Variants in TMEM106A observed in about 807,000 individuals in gnomAD.
TMEM106A encodes transmembrane protein 106A.
TMEM106A carries 22 observed loss-of-function variants against 25.1 expected under a neutral mutation model. The observed-to-expected ratio is 0.88, with a 90% CI of 0.63 to 1.25. The LOEUF is 1.25. TMEM106A is among the 50% of genes most tolerant of loss of function. The pLI, the probability that TMEM106A is intolerant of heterozygous loss-of-function variation, is 0.00. For missense variants in TMEM106A, 275 were observed against 318.1 expected (o/e 0.86, Z 1.03); for synonymous variants, 104 against 129.9 (o/e 0.80, Z 1.35).
Position 43,218,110 on chromosome 17 carries a change from C to T in TMEM106A, c.*309C>T, listed in dbSNP as rs541044375. 3.6e-6 allele frequency: 1 copy of T among 275,980 alleles called. No individual in the cohort carries two copies. Among genetic ancestry groups the T allele is most frequent in the East Asian group, 9.5e-5 (1 of 10,562 alleles). The allele number at this position is 275,980 out of a possible 1,614,324, so 17.1% of individuals were successfully genotyped here. On this transcript the variant is annotated 3_prime_UTR_variant, in exon 9 of 9. Coordinates refer to ENST00000612339, the MANE Select transcript of TMEM106A (RefSeq NM_145041.4). ...GTTGGTCCAGGTTGGTTTTGAACTCCTGGGCTCAAGCGATCCTCCCTTCTT... is the reference window on the plus strand; with the variant it reads ...GTTGGTCCAGGTTGGTTTTGAACTCTTGGGCTCAAGCGATCCTCCCTTCTT...
rs1325592546 is a variant in TMEM106A at position 43,217,331 on chromosome 17, T to C, written c.668+19T>C. 17 of 1,613,762 alleles carry C rather than the reference T, an allele frequency of 1.1e-5. No individual in the cohort carries two copies. The highest frequency in any genetic ancestry group is 1.7e-4 in the Middle Eastern group (1 of 6,056). ...ACATCCAGTAAGTAGAGCTTGGAGCTCTGGTATCCCTGCTCTCACTTCTGA... is the reference window on the plus strand; with the variant it reads ...ACATCCAGTAAGTAGAGCTTGGAGCCCTGGTATCCCTGCTCTCACTTCTGA... On this transcript the variant is annotated intron_variant, in intron 8 of 8. Transcript: ENST00000612339.
chr17:43,216,329 G>A, intron 5 of TMEM106A, 120 bp from the exon 6 acceptor site: 2 of 1,363,826 alleles, frequency 1.5e-6, no homozygotes. Context: ...TTCATCCTCT[G>A]CACCTGAAGC....
At chr17:43,214,965 AAAAAAAAAAC>A (rs2057471053) in intron 4 of TMEM106A, among the ~76,000 whole-genome samples, 1 of 149,942 alleles carries the variant, frequency 6.7e-6, no homozygotes, top group East Asian at 2.0e-4. Flanking sequence ...ATCTGAAAAA[AAAAAAAAAAC>A]AAAAAAAAAC....
chr17:43,217,324 T>C lies in TMEM106A; in HGVS notation c.668+12T>C. 2 of 1,614,062 alleles carry C rather than the reference T, an allele frequency of 1.2e-6. No individual in the cohort carries two copies. The highest frequency in any genetic ancestry group is 1.7e-6 in the Non-Finnish European group (2 of 1,179,880). ...CTTTTGCACATCCAGTAAGTAGAGC[T>C]TGGAGCTCTGGTATCCCTGCTCTCA... On this transcript the variant is annotated intron_variant, in intron 8 of 8. Coordinates refer to ENST00000612339, the MANE Select transcript of TMEM106A (RefSeq NM_145041.4).
At chr17:43,214,479 G>A (rs1281681120) in intron 4 of TMEM106A, among the ~76,000 whole-genome samples, 1 of 152,168 alleles carries the variant, frequency 6.6e-6, no homozygotes, top group Non-Finnish European at 1.5e-5. Context: ...TTTTCTTCTA[G>A]TAGAGATGAA....
chr17:43,215,453 G>A (rs1472976349), intron 4 of TMEM106A, among the ~76,000 whole-genome samples: 3 of 152,120 alleles, frequency 2.0e-5, no homozygotes, highest in African/African-American at 7.2e-5. Context: ...CCTGTGATTA[G>A]TATTTTTTCA....
chr17:43,213,810 C>T lies in TMEM106A; in HGVS notation c.212-18C>T. 1 of 1,613,934 alleles carries T rather than the reference C, an allele frequency of 6.2e-7. No individual in the cohort carries two copies. Among genetic ancestry groups the T allele is most frequent in the East Asian group, 2.2e-5 (1 of 44,886 alleles). ...ACAGTTGCATCTTGGCCCTCCCTCT[C>T]ACCTTCTCTCTCTCTAGAGCTGGAG... On this transcript the variant is annotated intron_variant, in intron 3 of 8. Coordinates refer to ENST00000612339, the MANE Select transcript of TMEM106A (RefSeq NM_145041.4).
At chr17:43,215,719 C>T in intron 4 of TMEM106A, 69 bp from the exon 5 acceptor site, 1 of 1,551,710 alleles carries the variant, frequency 6.4e-7, no homozygotes, top group Non-Finnish European at 8.8e-7. Flanking sequence ...AGTGTCTGAA[C>T]CCCCTCTCCG....
Position 43,217,869 on chromosome 17 carries a change from A to G in TMEM106A, c.*68A>G. The G allele has an allele frequency of 6.2e-7, 1 of 1,604,276 alleles. No individual in the cohort carries two copies. The highest frequency in any genetic ancestry group is 8.5e-7 in the Non-Finnish European group (1 of 1,174,826). Reference sequence around the variant, plus strand: ...CTATATCTCCCACAACTCCCTGGTGACTAAGGAAGGACTACAGAGGCTTTG... The same window carrying G: ...CTATATCTCCCACAACTCCCTGGTGGCTAAGGAAGGACTACAGAGGCTTTG... On this transcript the variant is annotated 3_prime_UTR_variant, in exon 9 of 9. Transcript: ENST00000612339.
chr17:43,216,664 T>C, intron 6 of TMEM106A, 33 bp from the exon 7 acceptor site: 1 of 1,614,102 alleles, frequency 6.2e-7, no homozygotes, highest in Non-Finnish European at 8.5e-7. Flanking sequence ...GCAGCTGGAG[T>C]TGGGGCTAAC....
rs1197481598 is a variant in TMEM106A at position 43,216,680 on chromosome 17, G to A, written c.571-17G>A. 6.2e-7 allele frequency: 1 copy of A among 1,614,072 alleles called. No individual in the cohort carries two copies. Among genetic ancestry groups the A allele is most frequent in the African/African-American group, 1.3e-5 (1 of 74,936 alleles). On this transcript the variant is annotated splice_polypyrimidine_tract_variant and intron_variant, in intron 6 of 8. Transcript: ENST00000612339. ...CAGCTGGAGTTGGGGCTAACCCTGT[G>A]CCCATTTGGTTGACAGATGTTTTAC...
Position 43,215,772 on chromosome 17 carries a change from T to C in TMEM106A, c.276-16T>C. On this transcript the variant is annotated splice_polypyrimidine_tract_variant and intron_variant, in intron 4 of 8. Coordinates refer to ENST00000612339, the MANE Select transcript of TMEM106A (RefSeq NM_145041.4). ...GACTTTTCCATTCCTCCATCCTGGG[T>C]CCTGCTTTCCCACAGGAAGCTCTTT... 1 of 1,613,076 alleles carries C rather than the reference T, an allele frequency of 6.2e-7. No individual in the cohort carries two copies. Among genetic ancestry groups the C allele is most frequent in the East Asian group, 2.2e-5 (1 of 44,874 alleles).
rs1035979045 is a variant in TMEM106A, at chr17:43,214,035, G to A, written c.275+144G>A. Reference sequence around the variant, plus strand: ...AGCCTCAGAGGTACCAGCTCCTTACGTCCAAGGATTTTTTCCTGATTTAGA... The same window carrying A: ...AGCCTCAGAGGTACCAGCTCCTTACATCCAAGGATTTTTTCCTGATTTAGA... On this transcript the variant is annotated intron_variant, in intron 4 of 8. Transcript: ENST00000612339. 15 of 809,016 alleles carry A rather than the reference G, an allele frequency of 1.9e-5. 1 individual carries two copies. Among genetic ancestry groups the A allele is most frequent in the African/African-American group, 1.4e-4 (8 of 57,472 alleles). The allele number at this position is 809,016 out of a possible 1,614,324, so 50.1% of individuals were successfully genotyped here.
chr17:43,217,687 C>T lies in TMEM106A; in HGVS notation c.675C>T (p.Thr225=), dbSNP rs745856691. The change falls in exon 9 of 9, where the codon ACC becomes ACT. Residue 225 remains threonine, a synonymous_variant. Transcript: ENST00000612339. The part of the protein sequence containing the change: ...VHHVLLHIQG[T]LTCSYLSHSE... ...AGGCCTGCTTCCTCTCCAGGGGCAC[C>T]CTGACCTGTTCATACCTGAGCCATT... 1.9e-6 allele frequency: 3 copies of T among 1,614,048 alleles called. No individual in the cohort carries two copies. The highest frequency in any genetic ancestry group is 2.5e-6 in the Non-Finnish European group (3 of 1,180,020).
intron 4 of TMEM106A, 69 bp downstream of exon 4, chr17:43,213,960 G>A: frequency 6.6e-7 from 1 of 1,506,806 alleles, no homozygotes. Context: ...TGTCTCCCCT[G>A]TTTTGATCTC....
chr17:43,217,593 TCCCCGCTCCCCAC>T, intron 8 of TMEM106A, 75 bp from the exon 9 acceptor site: 1 of 1,548,098 alleles, frequency 6.5e-7, no homozygotes, highest in Non-Finnish European at 8.7e-7. Flanking sequence ...ATGAGGGAGC[TCCCCGCTCCCCAC>T]CCCCAGACAG....
In TMEM106A at chr17:43,212,275, C is replaced by CCAGCT. The variant is rs1453832532; in HGVS notation, c.-131_-127dup. Reference sequence around the variant, plus strand: ...AGGCGGTGCTTCTCCCCACCACCGCCCAGCTCAGCTCAGCCCAGCCCAGCC... The same window carrying CCAGCT: ...AGGCGGTGCTTCTCCCCACCACCGCCCAGCTCAGCTCAGCTCAGCCCAGCCCAGCC... On this transcript the variant is annotated 5_prime_UTR_variant, in exon 2 of 9. Transcript: ENST00000612339. The CCAGCT allele has an allele frequency of 6.5e-6, 1 of 152,928 alleles. No homozygotes were observed. The highest frequency in any genetic ancestry group is 2.4e-5 in the African/African-American group (1 of 41,460). The allele number at this position is 152,928 out of a possible 1,614,324, so 9.5% of individuals were successfully genotyped here.
rs758384905 is a variant in TMEM106A at position 43,213,142 on chromosome 17, C to G, written c.101C>G (p.Ser34Cys). Residue 34 changes from serine (S) to cysteine (C), a missense_variant, in exon 3 of 9, where the codon TCC (serine) becomes TGC (cysteine). By Grantham distance (112) the Ser-to-Cys change is moderately radical. Coordinates refer to ENST00000612339, the MANE Select transcript of TMEM106A (RefSeq NM_145041.4). ...PAIGSKAVNY[S>C]STGSSKSFCS... The stretch of plus-strand genomic sequence containing the variant: ...ATTGGCAGCAAGGCTGTCAACTACT[C>G]CAGCACCGGTAGCAGCAAGTCTTTT... 6.2e-7 allele frequency: 1 copy of G among 1,614,198 alleles called. No individual in the cohort carries two copies. The highest frequency in any genetic ancestry group is 1.3e-5 in the African/African-American group (1 of 75,056).
rs747453506 is a variant in TMEM106A, at chr17:43,216,535, G to A, written c.516G>A (p.Val172=). 3 of 1,614,096 alleles carry A rather than the reference G, an allele frequency of 1.9e-6. No homozygotes were observed. Among genetic ancestry groups the A allele is most frequent in the Non-Finnish European group, 2.5e-6 (3 of 1,180,048 alleles). ...AGGTTCTGCACCTGTCCCTCGTGGT[G>A]GGGCAGGTTTCCAACAACCTTCTCC... ...TLEVLHLSLV[V]GQVSNNLLLH... Residue 172 remains valine, a synonymous_variant, in exon 6 of 9, where the codon GTG becomes GTA. Transcript: ENST00000612339.
Sources: gnomAD v4.1 joint callset for allele counts (sites outside exome capture counted in the v4.1 genomes callset) on GRCh38, gnomAD v4.1.1 for gene constraint, MANE v1.5 for transcripts, NCBI Gene and HGNC (gene_info 2026-07-23, HGNC 2026-07-21) for gene names.